Variants in BLOC1S6 observed in about 807,000 individuals in gnomAD.
BLOC1S6 encodes the protein biogenesis of lysosomal organelles complex 1 subunit 6.
Under a neutral mutation model 24.7 loss-of-function variants are expected in BLOC1S6, and 24 were observed. That is an observed-to-expected ratio of 0.97 (90% confidence interval 0.70 to 1.37). BLOC1S6 has a LOEUF of 1.37. Ranked by LOEUF, BLOC1S6 falls within the 40% of genes most tolerant of loss-of-function variation. The probability of loss-of-function intolerance (pLI) is 0.00; values close to 1 mark genes in which losing one functional copy is unlikely to be tolerated. For missense variants in BLOC1S6, 175 were observed against 196.2 expected, an observed-to-expected ratio of 0.89 and a Z score of 0.64; for synonymous variants, 76 against 72.6, an observed-to-expected ratio of 1.05 and a Z score of -0.23.
chr15:45,605,468 TAAGAA>T lies in BLOC1S6; in HGVS notation c.358_362del (p.Lys120AspfsTer6). ...CACTATCATGCCAAGTTGGTGAATA[TAAGAA>T]AAGAGATGCTGATGCTTCATGAAAA... On this transcript the variant is annotated frameshift_variant, in exon 4 of 5. Coordinates refer to ENST00000220531, the MANE Select transcript of BLOC1S6 (RefSeq NM_012388.4). LOFTEE classifies it high-confidence loss of function. 6.2e-7 allele frequency: 1 copy of T among 1,612,600 alleles called. No homozygotes were observed. Among genetic ancestry groups the T allele is most frequent in the Non-Finnish European group, 8.5e-7 (1 of 1,179,302 alleles).
Position 45,607,256 on chromosome 15 carries a change from A to C in BLOC1S6, c.*742A>C, listed in dbSNP as rs552983749. On this transcript the variant is annotated 3_prime_UTR_variant, in exon 5 of 5. Transcript: ENST00000220531. ...ACTTTAGGTGTAGTTCAGGTGAGCA[A>C]GATGCCAGATAGTTTCTACTAACCA... 1 of 152,228 alleles carries C rather than the reference A, an allele frequency of 6.6e-6. No homozygotes were observed. Among genetic ancestry groups the C allele is most frequent in the Non-Finnish European group, 1.5e-5 (1 of 68,060 alleles). The allele number at this position is 152,228 out of a possible 1,614,324, so 9.4% of individuals were successfully genotyped here.
intron 3 of BLOC1S6, among the ~76,000 whole-genome samples, chr15:45,604,747 C>G (rs2140918177): frequency 6.6e-6 from 1 of 152,304 alleles, no homozygotes; most frequent in South Asian, 2.1e-4. Context: ...TTTCTGTAAC[C>G]TTGTCTGAAA....
chr15:45,606,250 TA>T, intron 4 of BLOC1S6, 144 bp from the exon 5 acceptor site: 1 of 1,244,102 alleles, frequency 8.0e-7, no homozygotes, highest in Non-Finnish European at 1.1e-6. Flanking sequence ...AAAGGGACCT[TA>T]AATTATCCCA....
At chr15:45,587,769 G>A (rs538693262) in intron 1 of BLOC1S6, 10 of 702,874 alleles carry the variant, frequency 1.4e-5, no homozygotes, top group African/African-American at 5.2e-5. Context: ...TGATGGTGAA[G>A]CCATTCTGAG....
chr15:45,600,618 G>T (rs1375900131), intron 2 of BLOC1S6, among the ~76,000 whole-genome samples: 1 of 152,114 alleles, frequency 6.6e-6, no homozygotes, highest in Non-Finnish European at 1.5e-5. Context: ...TTGAATTTTT[G>T]AATATTGAAC....
chr15:45,591,036 C>T (rs1158159074), intron 1 of BLOC1S6, among the ~76,000 whole-genome samples: 2 of 151,936 alleles, frequency 1.3e-5, no homozygotes, highest in African/African-American at 4.8e-5. Context: ...TTTTGAATAC[C>T]TGGCACAATG....
intron 3 of BLOC1S6, 34 bp downstream of exon 3, chr15:45,603,221 A>C: frequency 1.4e-6 from 2 of 1,407,438 alleles, no homozygotes; most frequent in Non-Finnish European, 2.0e-6. Context: ...ATTTAATGAC[A>C]TCTTGTCTTA....
At chr15:45,597,978 G>C (rs1177697165) in intron 2 of BLOC1S6, 2 of 275,384 alleles carry the variant, frequency 7.3e-6, no homozygotes, top group South Asian at 5.9e-5. Context: ...ACATCAAAAA[G>C]CTTATCCACC....
At chr15:45,596,061 A>G (rs1233800174) in intron 2 of BLOC1S6, among the ~76,000 whole-genome samples, 1 of 152,190 alleles carries the variant, frequency 6.6e-6, no homozygotes, top group Non-Finnish European at 1.5e-5. Context: ...TCGGCCTCCC[A>G]AAGTGCTGGG....
chr15:45,603,049 C>A, intron 2 of BLOC1S6, 51 bp from the exon 3 acceptor site: 2 of 1,231,904 alleles, frequency 1.6e-6, no homozygotes, highest in Non-Finnish European at 2.4e-6. Flanking sequence ...TTTTAATGGA[C>A]CGGCACTTTA....
Position 45,605,492 on chromosome 15 carries a change from A to T in BLOC1S6, c.377A>T (p.His126Leu), listed in dbSNP as rs1894417397. 1 of 1,610,638 alleles carries T rather than the reference A, an allele frequency of 6.2e-7. No homozygotes were observed. The highest frequency in any genetic ancestry group is 1.3e-5 in the African/African-American group (1 of 74,876). The change falls in exon 4 of 5, where the codon CAT becomes CTT. Residue 126 changes from histidine to leucine, a missense_variant. His to Leu is a moderately conservative substitution (Grantham distance 99). Coordinates refer to ENST00000220531, the MANE Select transcript of BLOC1S6 (RefSeq NM_012388.4). ...ATAAGAAAAGAGATGCTGATGCTTC[A>T]TGAAAAAACATCAAAGTTAAAAGTG... is the stretch of plus-strand genomic sequence containing the variant. ...VNIRKEMLMLHEKTSKLKKRA... is the reference protein window; with the variant it reads ...VNIRKEMLMLLEKTSKLKKRA...
rs1051918104 is a variant in BLOC1S6 at position 45,607,498 on chromosome 15, G to T, written c.*984G>T. ...GTAAAAAATTCTTGAAGTGAGGCCG[G>T]GTGCGGTGGCTCATGCCTGTAATCC... On this transcript the variant is annotated 3_prime_UTR_variant, in exon 5 of 5. Transcript: ENST00000220531. 2.0e-5 allele frequency: 3 copies of T among 152,216 alleles called. No homozygotes were observed. Among genetic ancestry groups the T allele is most frequent in the Non-Finnish European group, 4.4e-5 (3 of 68,076 alleles). The allele number at this position is 152,216 out of a possible 1,614,324, so 9.4% of individuals were successfully genotyped here. A position where few individuals can be genotyped will look rare whatever the true frequency, so the allele number is the denominator to read the frequency against.
chr15:45,605,569 TG>T (rs2140919244), intron 4 of BLOC1S6, 55 bp downstream of exon 4: 30 of 1,357,660 alleles, frequency 2.2e-5, no homozygotes, highest in South Asian at 1.3e-4. Flanking sequence ...AATTGTTTTT[TG>T]TTGTTTTTTT....
intron 3 of BLOC1S6, 54 bp downstream of exon 3, chr15:45,603,241 A>T (rs1158853958): frequency 1.7e-6 from 2 of 1,165,738 alleles, no homozygotes; most frequent in East Asian, 4.8e-5. Context: ...AGCAATAGCT[A>T]AGACTTAGCT....
intron 3 of BLOC1S6, among the ~76,000 whole-genome samples, chr15:45,603,716 A>G (rs144748040): frequency 6.6e-6 from 1 of 152,314 alleles, no homozygotes; most frequent in Non-Finnish European, 1.5e-5. Flanking sequence ...CCCTGTCTCA[A>G]AAAACAAACA....
At chr15:45,587,570 G>T in intron 1 of BLOC1S6, 45 bp downstream of exon 1, 1 of 1,519,982 alleles carries the variant, frequency 6.6e-7, no homozygotes, top group South Asian at 1.2e-5. Flanking sequence ...TGGGTGTGAG[G>T]GGCGGGGACC....
chr15:45,605,573 G>GTTT, intron 4 of BLOC1S6, 59 bp downstream of exon 4: 228 of 823,838 alleles, frequency 2.8e-4, no homozygotes, highest in Middle Eastern at 3.8e-4. Context: ...GTTTTTTGTT[G>GTTT]TTTTTTTTTT....
chr15:45,602,033 A>G (rs1894288135), intron 2 of BLOC1S6, among the ~76,000 whole-genome samples: 1 of 152,084 alleles, frequency 6.6e-6, no homozygotes, highest in African/African-American at 2.4e-5. Context: ...GGTGTGTGCC[A>G]CCACACCCAG....
chr15:45,595,108 C>T (rs572912461), intron 2 of BLOC1S6, among the ~76,000 whole-genome samples: 32 of 152,196 alleles, frequency 2.1e-4, no homozygotes, highest in African/African-American at 6.0e-4. Flanking sequence ...GCTTGGTGTT[C>T]GAGGCTGCAG....
Sources: allele counts gnomAD v4.1 joint callset (sites outside exome capture counted in the v4.1 genomes callset), GRCh38; gene constraint gnomAD v4.1.1; transcripts MANE v1.5; gene names NCBI Gene and HGNC (gene_info 2026-07-23, HGNC 2026-07-21).